The following MGMT variants were observed in gnomAD, a reference collection of about 807,000 sequenced individuals.
MGMT encodes methylated-DNA--protein-cysteine methyltransferase.
In MGMT, 14 loss-of-function variants were observed where a neutral mutation model predicts 15.9. The ratio of observed to expected loss-of-function variants is 0.88; its 90% CI spans 0.58 to 1.37. The LOEUF (loss-of-function observed/expected upper bound fraction) is 1.37. Ranked by LOEUF, MGMT falls within the 40% of genes most tolerant of loss-of-function variation. The probability of loss-of-function intolerance (pLI) is 0.00; values close to 1 mark genes in which losing one functional copy is unlikely to be tolerated. For missense variants in MGMT, 282 were observed against 268.1 expected, an observed-to-expected ratio of 1.05 and a Z score of -0.36; for synonymous variants, 130 against 118.2, an observed-to-expected ratio of 1.10 and a Z score of -0.65.
At chr10:129,755,971 T>C (rs923424686) in intron 3 of MGMT, among the ~76,000 whole-genome samples, 3 of 152,180 alleles carry the variant, frequency 2.0e-5, no homozygotes, top group African/African-American at 4.8e-5. Context: ...GGTTCAGGTG[T>C]CAGGCCTGCT....
chr10:129,769,716 C>T lies in MGMT; in HGVS notation c.*2719C>T, dbSNP rs549625899. On this transcript the variant is annotated 3_prime_UTR_variant, in exon 5 of 5. Coordinates refer to ENST00000651593, the MANE Select transcript of MGMT (RefSeq NM_002412.5). The stretch of plus-strand genomic sequence containing the variant: ...TTGTCCTTCTCCCAGTCTCTCTTCC[C>T]GCTGGGAACAGAAGTGTCCAGTAAA... Among the ~76,000 whole-genome samples, 144 of 152,308 alleles carry T rather than the reference C, an allele frequency of 9.5e-4. No individual in the cohort carries two copies. Among genetic ancestry groups the T allele is most frequent in the African/African-American group, 2.9e-3 (119 of 41,572 alleles).
chr10:129,543,427 C>G (rs1846066359), intron 2 of MGMT, among the ~76,000 whole-genome samples: 1 of 152,124 alleles, frequency 6.6e-6, no homozygotes, highest in Admixed American at 6.5e-5. Context: ...GAGCACTGGC[C>G]CATCCACCCC....
chr10:129,762,785 G>A (rs775042530), intron 4 of MGMT, among the ~76,000 whole-genome samples: 5 of 152,202 alleles, frequency 3.3e-5, no homozygotes, highest in Middle Eastern at 3.4e-3. Context: ...CCCGTCACCC[G>A]GATGGCTGCT....
intron 4 of MGMT, among the ~76,000 whole-genome samples, chr10:129,760,356 C>T (rs980193138): frequency 1.3e-5 from 2 of 152,242 alleles, no homozygotes; most frequent in Non-Finnish European, 2.9e-5. Flanking sequence ...GGTGTGTGGT[C>T]ACGTTGGCAG....
chr10:129,477,515 G>A (rs1404614487), intron 1 of MGMT, among the ~76,000 whole-genome samples: 1 of 152,214 alleles, frequency 6.6e-6, no homozygotes, highest in Non-Finnish European at 1.5e-5. Context: ...AGTCATAAGA[G>A]TGGGATCCTA....
intron 4 of MGMT, among the ~76,000 whole-genome samples, chr10:129,762,551 G>A (rs1397957166): frequency 6.6e-6 from 1 of 152,082 alleles, no homozygotes; most frequent in African/African-American, 2.4e-5. Context: ...GGGAGAGGAT[G>A]GTCAGTTTCC....
intron 2 of MGMT, among the ~76,000 whole-genome samples, chr10:129,688,471 T>G (rs2133125983): frequency 6.6e-6 from 1 of 152,368 alleles, no homozygotes; most frequent in Middle Eastern, 3.4e-3. Context: ...ATGTGTCTGT[T>G]GGCTGCGTAA....
intron 3 of MGMT, chr10:129,717,474 GATTTGT>G (rs1400845010): frequency 3.9e-5 from 6 of 152,154 alleles, no homozygotes; most frequent in Non-Finnish European, 5.9e-5. Context: ...AGAGTCTCTT[GATTTGT>G]ATTTTAATGG....
chr10:129,660,220 A>T (rs765615470), intron 2 of MGMT, among the ~76,000 whole-genome samples: 1 of 151,882 alleles, frequency 6.6e-6, no homozygotes, highest in Admixed American at 6.6e-5. Context: ...TTCCCAGAAC[A>T]CGTGCTGGTG....
intron 2 of MGMT, among the ~76,000 whole-genome samples, chr10:129,660,790 A>ACACACACACACG (rs1554875140): frequency 1.3e-5 from 2 of 151,840 alleles, no homozygotes; most frequent in Non-Finnish European, 2.9e-5. Flanking sequence ...ACACACACAC[A>ACACACACACACG]CACACACACG....
At chr10:129,716,761 C>A (rs1157685829) in intron 3 of MGMT, among the ~76,000 whole-genome samples, 1 of 152,152 alleles carries the variant, frequency 6.6e-6, no homozygotes, top group East Asian at 1.9e-4. Context: ...GAAACTGTAC[C>A]TATTTATGAC....
At chr10:129,658,350 A>G (rs555647069) in intron 2 of MGMT, among the ~76,000 whole-genome samples, 5 of 152,238 alleles carry the variant, frequency 3.3e-5, no homozygotes, top group Non-Finnish European at 7.4e-5. Context: ...TTGCTACTCT[A>G]TTTGTTTTAT....
At chr10:129,698,169 G>A (rs533760025) in intron 2 of MGMT, among the ~76,000 whole-genome samples, 1 of 152,302 alleles carries the variant, frequency 6.6e-6, no homozygotes, top group Admixed American at 6.5e-5. Flanking sequence ...AAACTGCAAG[G>A]TGTGCAGTTT....
At chr10:129,599,372 C>T (rs975513877) in intron 2 of MGMT, among the ~76,000 whole-genome samples, 5 of 152,202 alleles carry the variant, frequency 3.3e-5, no homozygotes, top group South Asian at 2.1e-4. Flanking sequence ...AGGTTGCTCT[C>T]GTCACTAGGA....
intron 3 of MGMT, among the ~76,000 whole-genome samples, chr10:129,730,440 TATTC>T (rs1848483063): frequency 6.6e-6 from 1 of 152,188 alleles, no homozygotes; most frequent in African/African-American, 2.4e-5. Context: ...CGAGCGTGCG[TATTC>T]ATTCTACTGC....
At chr10:129,744,179 C>G (rs74772751) in intron 3 of MGMT, among the ~76,000 whole-genome samples, 18,443 of 152,234 alleles carry the variant, frequency 0.12, 1,183 homozygotes, top group Middle Eastern at 0.18. Flanking sequence ...GGGAGTCTTG[C>G]TTAGGGGTCA....
At chr10:129,727,267 G>A (rs1848445031) in intron 3 of MGMT, among the ~76,000 whole-genome samples, 1 of 152,204 alleles carries the variant, frequency 6.6e-6, no homozygotes, top group Admixed American at 6.5e-5. Context: ...AGCTCCCAGT[G>A]TCCTCAGTCA....
chr10:129,591,427 T>A (rs1846684481), intron 2 of MGMT, among the ~76,000 whole-genome samples: 2 of 152,120 alleles, frequency 1.3e-5, no homozygotes, highest in Admixed American at 6.6e-5. Flanking sequence ...GGCTCAGAGA[T>A]TCTCAAACTG....
chr10:129,606,264 C>CTGT (rs1846889617), intron 2 of MGMT, among the ~76,000 whole-genome samples: 1 of 152,016 alleles, frequency 6.6e-6, no homozygotes, highest in African/African-American at 2.4e-5. Context: ...GCACATCCTG[C>CTGT]CTGCCTGCCT....
Sources: gnomAD v4.1 joint callset for allele counts (sites outside exome capture counted in the v4.1 genomes callset) on GRCh38, gnomAD v4.1.1 for gene constraint, MANE v1.5 for transcripts, NCBI Gene and HGNC (gene_info 2026-07-23, HGNC 2026-07-21) for gene names.